C10orf143: variants seen among roughly 807,000 people sequenced by gnomAD.
The protein encoded by C10orf143 is chromosome 10 open reading frame 143, also known as uncharacterized protein C10orf143.
At chr10:130,048,117 G>C (rs1373629575) in intron 3 of C10orf143, among the ~76,000 whole-genome samples, 1 of 152,222 alleles carries the variant, frequency 6.6e-6, no homozygotes, top group Admixed American at 6.5e-5. Flanking sequence ...CTGGAGCCCA[G>C]TAAGCAGACA....
At chr10:130,068,714 T>C (rs1860981505) in intron 3 of C10orf143, 2 of 128,508 alleles carry the variant, frequency 1.6e-5, no homozygotes, top group Admixed American at 9.0e-5. Context: ...ATTTTATACA[T>C]ATAAACTAAA....
intron 1 of C10orf143, chr10:130,106,787 G>A (rs756359095): frequency 1.7e-6 from 2 of 1,210,322 alleles, no homozygotes; most frequent in Non-Finnish European, 2.5e-6. Context: ...AACATTTGAA[G>A]ACTCCAAAGT....
intron 1 of C10orf143, chr10:130,106,991 C>G: frequency 9.3e-7 from 1 of 1,079,476 alleles, no homozygotes; most frequent in Non-Finnish European, 1.4e-6. Context: ...GAAACTGATT[C>G]ATGCTACTAA....
At chr10:130,049,747 C>T (rs1860715776) in intron 3 of C10orf143, among the ~76,000 whole-genome samples, 1 of 152,110 alleles carries the variant, frequency 6.6e-6, no homozygotes, top group Non-Finnish European at 1.5e-5. Context: ...CGCTTTGAGT[C>T]CTGAGGGAGA....
chr10:130,041,187 G>C (rs1860602850), intron 3 of C10orf143, among the ~76,000 whole-genome samples: 1 of 152,246 alleles, frequency 6.6e-6, no homozygotes, highest in Non-Finnish European at 1.5e-5. Flanking sequence ...AAAATGCAAA[G>C]CAGCGAGCAC....
intron 1 of C10orf143, among the ~76,000 whole-genome samples, chr10:130,110,386 G>C (rs1861740823): frequency 6.6e-6 from 1 of 152,228 alleles, no homozygotes; most frequent in African/African-American, 2.4e-5. Context: ...CCAAGCACCC[G>C]AGGTCCTGCA....
At chr10:130,077,817 T>C (rs1861142846) in intron 3 of C10orf143, among the ~76,000 whole-genome samples, 1 of 152,254 alleles carries the variant, frequency 6.6e-6, no homozygotes, top group Admixed American at 6.5e-5. Flanking sequence ...AGAAGATATA[T>C]GCAGCTATAG....
intron 1 of C10orf143, among the ~76,000 whole-genome samples, chr10:130,105,555 A>C (rs1425504278): frequency 6.6e-6 from 1 of 151,862 alleles, no homozygotes; most frequent in Non-Finnish European, 1.5e-5. Flanking sequence ...ACATGGTGAA[A>C]CCTCATCTCT....
At chr10:130,090,296 C>T (rs561019414) in intron 1 of C10orf143, among the ~76,000 whole-genome samples, 21 of 152,206 alleles carry the variant, frequency 1.4e-4, no homozygotes, top group African/African-American at 4.1e-4. Flanking sequence ...TCGCCTAACC[C>T]GGGAAGCACA....
chr10:130,043,276 A>C (rs779524208), intron 3 of C10orf143, among the ~76,000 whole-genome samples: 1 of 152,174 alleles, frequency 6.6e-6, no homozygotes, highest in Non-Finnish European at 1.5e-5. Context: ...ACTTATAAAC[A>C]TGCTGGTATT....
At chr10:130,105,142 G>C (rs774012008) in intron 1 of C10orf143, 2 of 152,216 alleles carry the variant, frequency 1.3e-5, no homozygotes, top group Non-Finnish European at 2.9e-5. Flanking sequence ...TAGCCGGGCT[G>C]ATCTGGAACT....
chr10:130,062,970 C>T (rs561180909), downstream of C10orf143, among the ~76,000 whole-genome samples: 4 of 146,722 alleles, frequency 2.7e-5, no homozygotes, highest in Admixed American at 6.7e-5. Flanking sequence ...ACCCCAAGGG[C>T]AACCTCCCCA....
chr10:130,053,709 A>G (rs1314986317), intron 3 of C10orf143, among the ~76,000 whole-genome samples: 2 of 152,250 alleles, frequency 1.3e-5, no homozygotes, highest in African/African-American at 4.8e-5. Context: ...AGGGATCCCG[A>G]GTACATCTGT....
intron 1 of C10orf143, among the ~76,000 whole-genome samples, chr10:130,110,491 G>A (rs1861744644): frequency 6.6e-6 from 1 of 152,266 alleles, no homozygotes; most frequent in African/African-American, 2.4e-5. Context: ...CGACCGCGCA[G>A]GCGCGAAACC....
At chr10:130,090,306 A>G (rs1861359810) in intron 1 of C10orf143, among the ~76,000 whole-genome samples, 1 of 152,166 alleles carries the variant, frequency 6.6e-6, no homozygotes, top group Admixed American at 6.5e-5. Flanking sequence ...CGGGAAGCAC[A>G]AGGGGTCACG....
chr10:130,060,863 C>T (rs918831557), downstream of C10orf143, among the ~76,000 whole-genome samples: 16 of 148,792 alleles, frequency 1.1e-4, no homozygotes, highest in African/African-American at 3.5e-4. Context: ...CTAGGCCGGG[C>T]GCGGTGGCTC....
chr10:130,108,444 A>AAGAT, intron 1 of C10orf143: 1 of 806,916 alleles, frequency 1.2e-6, no homozygotes, highest in African/African-American at 1.7e-5. Flanking sequence ...AAACCGCAGC[A>AAGAT]AGATACCTGG....
At chr10:130,036,882 T>G (rs1424558502) in intron 3 of C10orf143, among the ~76,000 whole-genome samples, 1 of 152,052 alleles carries the variant, frequency 6.6e-6, no homozygotes, top group African/African-American at 2.4e-5. Flanking sequence ...TCCCGCACTT[T>G]TTGCTCGCCC....
intron 1 of C10orf143, among the ~76,000 whole-genome samples, chr10:130,103,264 C>A (rs1861587614): frequency 6.6e-6 from 1 of 152,204 alleles, no homozygotes; most frequent in South Asian, 2.1e-4. Context: ...AGGTGTTGAG[C>A]TACCACGCAC....
Sources: allele counts gnomAD v4.1 joint callset (sites outside exome capture counted in the v4.1 genomes callset), GRCh38; gene constraint gnomAD v4.1.1; transcripts MANE v1.5; gene names NCBI Gene and HGNC (gene_info 2026-07-23, HGNC 2026-07-21).